OPALIN: variants seen among roughly 807,000 people sequenced by gnomAD.
OPALIN encodes oligodendrocytic myelin paranodal and inner loop protein, also known as transmembrane protein 10.
Under a neutral mutation model 17.8 loss-of-function variants are expected in OPALIN, and 15 were observed. The observed-to-expected ratio is 0.84, with a 90% confidence interval of 0.56 to 1.29. The LOEUF is 1.29. OPALIN is among the 50% of genes most tolerant of loss of function. The pLI, the probability that OPALIN is intolerant of heterozygous loss-of-function variation, is 0.00. For missense variants in OPALIN, 170 were observed against 176.0 expected, an observed-to-expected ratio of 0.97 and a Z score of 0.19; for synonymous variants, 62 against 63.8, an observed-to-expected ratio of 0.97 and a Z score of 0.14.
rs1449623483 is a variant in OPALIN, at chr10:96,346,367, A to G, written c.250-250T>C. 5.3e-5 allele frequency among the ~76,000 whole-genome samples: 8 copies of G among 152,230 alleles called. 1 individual carries two copies. The highest frequency in any genetic ancestry group is 2.0e-4 in the Admixed American group (3 of 15,272). ...TTTGGGAGAGCTTTCAGGCCACTCAACTATCTTTTGTTTATTGTTAACAAA... is the reference window on the plus strand; with the variant it reads ...TTTGGGAGAGCTTTCAGGCCACTCAGCTATCTTTTGTTTATTGTTAACAAA... On this transcript the variant is annotated intron_variant, in intron 5 of 5. Transcript: ENST00000371172.
rs1196521456 is a variant in OPALIN at position 96,344,762 on chromosome 10, A to T, written c.*1179T>A. On this transcript the variant is annotated 3_prime_UTR_variant, in exon 6 of 6. Coordinates refer to ENST00000371172, the MANE Select transcript of OPALIN (RefSeq NM_033207.5). ...GTTGTAACTTTAACAACTATCCCTA[A>T]AGCACAAAAGTTAAAGTTATTTGAG... 6.6e-6 allele frequency: 1 copy of T among 152,210 alleles called. No homozygotes were observed. Among genetic ancestry groups the T allele is most frequent in the Non-Finnish European group, 1.5e-5 (1 of 68,032 alleles). 9.4% of individuals were successfully genotyped at this position (152,210 alleles called of 1,614,324 possible). A position where few individuals can be genotyped will look rare whatever the true frequency, so the allele number is the denominator to read the frequency against.
At chr10:96,353,323 G>A in intron 2 of OPALIN, 8 of 1,547,738 alleles carry the variant, frequency 5.2e-6, no homozygotes, top group Non-Finnish European at 6.2e-6. Context: ...ACTTCCCGCA[G>A]AGAGGGATCC....
At chr10:96,358,844 A>G (rs776055276) in intron 1 of OPALIN, 50 bp downstream of exon 1, 3 of 1,599,256 alleles carry the variant, frequency 1.9e-6, no homozygotes, top group Non-Finnish European at 8.6e-7. Context: ...GAGGTTTTTT[A>G]TAGTAAGAAA....
rs1312587105 is a variant in OPALIN at position 96,353,459 on chromosome 10, C to T, written c.39+1796G>A. 9.3e-6 allele frequency: 15 copies of T among 1,608,006 alleles called. No homozygotes were observed. The Admixed American group carries it at 2.2e-4, about 23-fold the overall frequency. On this transcript the variant is annotated intron_variant, in intron 2 of 5. Transcript: ENST00000371172. The stretch of plus-strand genomic sequence containing the variant: ...CAGGATGACCTACCATCCGCATTGT[C>T]CAGAGAGCTGCCCAGGACTTTCAGT...
intron 1 of OPALIN, among the ~76,000 whole-genome samples, chr10:96,356,015 C>T (rs1047488628): frequency 1.3e-5 from 2 of 152,246 alleles, no homozygotes; most frequent in Non-Finnish European, 2.9e-5. Flanking sequence ...TTACTCTAGC[C>T]TTTCCAGGCT....
chr10:96,352,614 T>C (rs1845632453), intron 2 of OPALIN, among the ~76,000 whole-genome samples: 1 of 147,658 alleles, frequency 6.8e-6, no homozygotes. Context: ...GTAGGAAGAA[T>C]CAGCCATTGT....
At chr10:96,353,547 G>T (rs1845677750) in intron 2 of OPALIN, 1 of 877,004 alleles carries the variant, frequency 1.1e-6, no homozygotes, top group African/African-American at 1.6e-5. Flanking sequence ...GATCAAAGGG[G>T]TGAAGAGACA....
At chr10:96,355,051 C>A (rs1265261198) in intron 2 of OPALIN, among the ~76,000 whole-genome samples, 3 of 117,840 alleles carry the variant, frequency 2.5e-5, no homozygotes, top group Non-Finnish European at 4.8e-5. Flanking sequence ...GAGTCGAGAT[C>A]ATGCCACTGC....
chr10:96,348,242 G>T (rs747954086), intron 5 of OPALIN, 47 bp downstream of exon 5: 10 of 899,550 alleles, frequency 1.1e-5, no homozygotes, highest in Non-Finnish European at 1.5e-5. Context: ...CACTTAGCTT[G>T]TTTACTGTGT....
chr10:96,358,413 A>G (rs76032903), intron 1 of OPALIN, among the ~76,000 whole-genome samples: 12,724 of 152,224 alleles, frequency 0.084, 706 homozygotes, highest in South Asian at 0.17. Flanking sequence ...ATGGACACCT[A>G]GGCTGTTTCC....
chr10:96,346,008 C>T lies in OPALIN; in HGVS notation c.359G>A (p.Arg120His), dbSNP rs143361128. 124 of 1,614,162 alleles carry T rather than the reference C, an allele frequency of 7.7e-5. No individual in the cohort carries two copies. The highest frequency in any genetic ancestry group is 3.9e-4 in the African/African-American group (29 of 75,038). ...GSEEPVHDRY[R>H]PTIEMERRRG... ...CCTTCTTTCCATTTCTATAGTAGGA[C>T]GGTAACGGTCATGCACAGGTTCCTC... Residue 120 changes from arginine to histidine, a missense_variant, in exon 6 of 6, where the codon CGT (arginine) becomes CAT (histidine). Transcript: ENST00000371172.
At chr10:96,348,543 T>C (rs915675973) in intron 4 of OPALIN, among the ~76,000 whole-genome samples, 198 bp from the exon 5 acceptor site, 3 of 152,140 alleles carry the variant, frequency 2.0e-5, no homozygotes, top group Admixed American at 6.6e-5. Context: ...AGAAATATCA[T>C]TGTGAGTTAT....
chr10:96,353,882 G>A (rs563226910), intron 2 of OPALIN, among the ~76,000 whole-genome samples: 6 of 152,182 alleles, frequency 3.9e-5, no homozygotes, highest in African/African-American at 1.2e-4. Flanking sequence ...AGGTTCAGAA[G>A]TGCCCCCCAC....
Position 96,345,627 on chromosome 10 carries a change from G to A in OPALIN, c.*314C>T. ...GGATATGAAAAAAAAAGATGAGAAGGCAAGACACTCAGAAACCAAGCCCCT... is the reference window on the plus strand; with the variant it reads ...GGATATGAAAAAAAAAGATGAGAAGACAAGACACTCAGAAACCAAGCCCCT... On this transcript the variant is annotated 3_prime_UTR_variant, in exon 6 of 6. Coordinates refer to ENST00000371172, the MANE Select transcript of OPALIN (RefSeq NM_033207.5). The A allele has an allele frequency of 3.7e-6, 1 of 272,088 alleles. No individual in the cohort carries two copies. The highest frequency in any genetic ancestry group is 6.8e-6 in the Non-Finnish European group (1 of 146,070). The allele number at this position is 272,088 out of a possible 1,614,324, so 16.9% of individuals were successfully genotyped here.
intron 2 of OPALIN, among the ~76,000 whole-genome samples, chr10:96,354,285 C>T (rs1440377072): frequency 6.6e-6 from 1 of 152,086 alleles, no homozygotes; most frequent in Non-Finnish European, 1.5e-5. Context: ...AATTGAAAAC[C>T]TCAATTTTGA....
Position 96,349,721 on chromosome 10 carries a change from T to A in OPALIN, c.178A>T (p.Ile60Phe). ...FTLIHRRRSS[I>F]EAMEESDRPC... Reference sequence around the variant, plus strand: ...CTAGTAATCACCTCCATGGCCTCAATGCTGCTTCTTCTTCGGTGAATCAAA... The same window carrying A: ...CTAGTAATCACCTCCATGGCCTCAAAGCTGCTTCTTCTTCGGTGAATCAAA... Residue 60 changes from isoleucine to phenylalanine, a missense_variant, in exon 4 of 6, where the codon ATT (isoleucine) becomes TTT (phenylalanine). By Grantham distance (21) the Ile-to-Phe change is conservative. Coordinates refer to ENST00000371172, the MANE Select transcript of OPALIN (RefSeq NM_033207.5). 3 of 1,613,966 alleles carry A rather than the reference T, an allele frequency of 1.9e-6. No individual in the cohort carries two copies. Among genetic ancestry groups the A allele is most frequent in the Non-Finnish European group, 2.5e-6 (3 of 1,179,902 alleles).
Position 96,348,298 on chromosome 10 carries a change from C to T in OPALIN, c.240G>A (p.Lys80=), listed in dbSNP as rs1845424674. ...CEISEIDDNP[K]ISENPRRSPT... ...AACCAAGAGTTCTTACCTCAGATATCTTGGGATTGTCATCAATTTCTGAAA... is the reference window on the plus strand; with the variant it reads ...AACCAAGAGTTCTTACCTCAGATATTTTGGGATTGTCATCAATTTCTGAAA... Residue 80 remains lysine, a synonymous_variant, in exon 5 of 6, where the codon AAG becomes AAA. Coordinates refer to ENST00000371172, the MANE Select transcript of OPALIN (RefSeq NM_033207.5). 6.5e-7 allele frequency: 1 copy of T among 1,538,394 alleles called. No homozygotes were observed.
chr10:96,349,553 G>C (rs964906977), intron 4 of OPALIN, among the ~76,000 whole-genome samples, 154 bp downstream of exon 4: 2 of 152,200 alleles, frequency 1.3e-5, no homozygotes. Context: ...CTAATGTCAT[G>C]TCTGCAGTGG....
chr10:96,358,483 T>A (rs1845898939), intron 1 of OPALIN, among the ~76,000 whole-genome samples: 1 of 152,238 alleles, frequency 6.6e-6, no homozygotes, highest in Non-Finnish European at 1.5e-5. Flanking sequence ...GCAAACTTCA[T>A]TTGATTGAGT....
Sources: allele counts gnomAD v4.1 joint callset (sites outside exome capture counted in the v4.1 genomes callset), GRCh38; gene constraint gnomAD v4.1.1; transcripts MANE v1.5; gene names NCBI Gene and HGNC (gene_info 2026-07-23, HGNC 2026-07-21).